Variants in PDE1C observed in about 807,000 individuals in gnomAD.
PDE1C encodes phosphodiesterase 1C.
A neutral mutation model predicts 93.1 loss-of-function variants in PDE1C; 62 were observed. That is an observed-to-expected ratio of 0.67 (90% CI 0.54 to 0.82). PDE1C has a LOEUF of 0.82. PDE1C is among the 40% of genes least tolerant of loss of function. The pLI, the probability that PDE1C is intolerant of heterozygous loss-of-function variation, is 0.00. For synonymous variants in PDE1C, 325 were observed against 310.1 expected (o/e 1.05, Z -0.50); for missense variants, 742 against 884.6 (o/e 0.84, Z 2.04).
intron 1 of PDE1C, among the ~76,000 whole-genome samples, chr7:32,245,457 C>T (rs1335876227): frequency 4.6e-5 from 7 of 152,184 alleles, no homozygotes; most frequent in African/African-American, 1.7e-4. Flanking sequence ...CTCTCTAATG[C>T]CATTTTCTGT....
intron 2 of PDE1C, among the ~76,000 whole-genome samples, chr7:31,902,670 C>A (rs909474867): frequency 6.6e-6 from 1 of 151,644 alleles, no homozygotes; most frequent in African/African-American, 2.4e-5. Flanking sequence ...AGCAAAGTTT[C>A]CACTAACAGG....
chr7:31,700,546 CTAAGA>C, the PDE1C span, among the ~76,000 whole-genome samples: 4 of 152,130 alleles, frequency 2.6e-5, no homozygotes, highest in Admixed American at 1.3e-4. Flanking sequence ...GAAAATCTAG[CTAAGA>C]TAATTGGTGA....
At chr7:32,108,433 C>CCACACACACACA (rs10696295) in intron 3 of PDE1C, among the ~76,000 whole-genome samples, 2 of 146,686 alleles carry the variant, frequency 1.4e-5, no homozygotes, top group African/African-American at 5.0e-5. Context: ...AGAAAAAAAA[C>CCACACACACACA]CACACACACA....
intron 16 of PDE1C, among the ~76,000 whole-genome samples, chr7:31,782,862 T>C (rs1783534350): frequency 6.6e-6 from 1 of 152,198 alleles, no homozygotes; most frequent in Non-Finnish European, 1.5e-5. Context: ...TATTATAAAA[T>C]AGGCTTTGTG....
At chr7:31,706,153 C>T in the PDE1C span, among the ~76,000 whole-genome samples, 1 of 151,236 alleles carries the variant, frequency 6.6e-6, no homozygotes, top group African/African-American at 2.4e-5. Flanking sequence ...TACAGGTGCC[C>T]GCCACCATGC....
At chr7:31,990,572 C>T (rs6954242) in intron 2 of PDE1C, among the ~76,000 whole-genome samples, 20,335 of 151,524 alleles carry the variant, frequency 0.13, 1,597 homozygotes, top group Admixed American at 0.25. Context: ...AGCTGGGGTT[C>T]GATTTAAAAA....
intron 3 of PDE1C, among the ~76,000 whole-genome samples, chr7:32,100,800 C>T (rs1282821523): frequency 6.6e-6 from 1 of 152,158 alleles, no homozygotes; most frequent in African/African-American, 2.4e-5. Context: ...CCAAGCTGCA[C>T]TCCAACTGAA....
chr7:31,970,720 T>C (rs1810831245), intron 2 of PDE1C, among the ~76,000 whole-genome samples: 1 of 152,240 alleles, frequency 6.6e-6, no homozygotes, highest in Non-Finnish European at 1.5e-5. Flanking sequence ...GCCTCAATTA[T>C]AATCCTTGAA....
intron 14 of PDE1C, among the ~76,000 whole-genome samples, chr7:31,819,387 C>T (rs1583463665): frequency 6.6e-6 from 1 of 152,206 alleles, no homozygotes; most frequent in South Asian, 2.1e-4. Flanking sequence ...ATGAAATTTT[C>T]GTATAACAAG....
At position 31,973,447 on chromosome 7, in the gene PDE1C, G is replaced by A. The variant is rs907782448; in HGVS notation, c.128+78107C>T. The stretch of plus-strand genomic sequence containing the variant: ...GAAAACTGAAGACAAAAATAAGAAT[G>A]GAATTCATATGGGAAAAAGTCAAAG... On this transcript the variant is annotated intron_variant, in intron 2 of 17. Transcript: ENST00000396191. Among the ~76,000 whole-genome samples, 75 of 152,192 alleles carry A rather than the reference G, an allele frequency of 4.9e-4. 2 individuals carry two copies. The highest frequency in any genetic ancestry group is 1.3e-4 in the Non-Finnish European group (9 of 68,000).
the PDE1C span, among the ~76,000 whole-genome samples, chr7:31,688,991 T>G: frequency 1.3e-5 from 2 of 152,226 alleles, no homozygotes; most frequent in Non-Finnish European, 2.9e-5. Context: ...TTTTTTGTGG[T>G]TTGTCTTTAT....
the PDE1C span, among the ~76,000 whole-genome samples, chr7:31,654,803 C>T: frequency 1.3e-5 from 2 of 152,292 alleles, 1 homozygote; most frequent in South Asian, 4.2e-4. Flanking sequence ...GGAGAGGTCA[C>T]TTCTTAGCAA....
At chr7:32,378,165 C>T (rs1283775008) in intron 1 of PDE1C, among the ~76,000 whole-genome samples, 1 of 152,124 alleles carries the variant, frequency 6.6e-6, no homozygotes, top group Non-Finnish European at 1.5e-5. Flanking sequence ...ATGTCAGCCC[C>T]CCACCTTCCT....
intron 7 of PDE1C, among the ~76,000 whole-genome samples, chr7:31,856,643 A>G (rs1160396229): frequency 6.6e-6 from 1 of 150,880 alleles, no homozygotes; most frequent in Non-Finnish European, 1.5e-5. Context: ...CGTGGAAGTA[A>G]GTGCACATGA....
chr7:32,124,491 G>T (rs957437382), intron 3 of PDE1C, among the ~76,000 whole-genome samples: 1 of 152,250 alleles, frequency 6.6e-6, no homozygotes, highest in Admixed American at 6.5e-5. Context: ...GCATGGTACT[G>T]GTACCAAAAC....
chr7:31,656,554 A>G, the PDE1C span: 1 of 852,644 alleles, frequency 1.2e-6, no homozygotes, highest in African/African-American at 1.8e-5. Context: ...TACTTTATGC[A>G]CACAGAATAT....
the PDE1C span, among the ~76,000 whole-genome samples, chr7:31,661,324 T>C: frequency 2.0e-5 from 3 of 152,176 alleles, no homozygotes; most frequent in African/African-American, 7.2e-5. Flanking sequence ...TGTTAAGACA[T>C]TGCAAAGCTA....
chr7:32,342,870 C>T (rs1783785326), intron 1 of PDE1C, among the ~76,000 whole-genome samples: 1 of 152,190 alleles, frequency 6.6e-6, no homozygotes. Context: ...GTTCCACCCA[C>T]ATTTTTGTAC....
At chr7:32,103,578 T>G (rs756436624) in intron 3 of PDE1C, among the ~76,000 whole-genome samples, 1 of 152,174 alleles carries the variant, frequency 6.6e-6, no homozygotes, top group Non-Finnish European at 1.5e-5. Flanking sequence ...ACTAAAAAGT[T>G]GCTCAACTGC....
Sources: allele counts gnomAD v4.1 joint callset (sites outside exome capture counted in the v4.1 genomes callset), GRCh38; gene constraint gnomAD v4.1.1; transcripts MANE v1.5; gene names NCBI Gene and HGNC (gene_info 2026-07-23, HGNC 2026-07-21).